The following KLRG2 variants were observed in gnomAD, a reference collection of about 807,000 sequenced individuals.
The protein encoded by KLRG2 is killer cell lectin-like receptor subfamily G member 2.
KLRG2 carries 39 observed loss-of-function variants against 35.4 expected under a neutral mutation model. That is an observed-to-expected ratio of 1.10 (90% CI 0.85 to 1.44). KLRG2 has a LOEUF of 1.44. KLRG2 is among the 40% of genes most tolerant of loss of function. The pLI, the probability that KLRG2 is intolerant of heterozygous loss-of-function variation, is 0.00. For synonymous variants in KLRG2, 283 were observed against 265.8 expected, an observed-to-expected ratio of 1.06 and a Z score of -0.63; for missense variants, 632 against 570.9, an observed-to-expected ratio of 1.11 and a Z score of -1.09.
At chr7:139,469,282 C>T (rs112912906) in intron 3 of KLRG2, among the ~76,000 whole-genome samples, 15,321 of 152,192 alleles carry the variant, frequency 0.1, 803 homozygotes, top group Non-Finnish European at 0.12. Flanking sequence ...GCCTCAGCCT[C>T]CCGAATAGCT....
At chr7:139,447,847 A>G (rs537472432), downstream of KLRG2, among the ~76,000 whole-genome samples, 1 of 152,142 alleles carries the variant, frequency 6.6e-6, no homozygotes, top group Non-Finnish European at 1.5e-5. Flanking sequence ...ACCTGAAACC[A>G]GTTTTATCTA....
chr7:139,449,693 CT>C (rs547906496), downstream of KLRG2, among the ~76,000 whole-genome samples: 3,807 of 101,390 alleles, frequency 0.038, 46 homozygotes, highest in African/African-American at 0.11. Context: ...TATCCTTATT[CT>C]TTTTTTTTTT....
chr7:139,447,874 C>CCTG (rs769787552), downstream of KLRG2, among the ~76,000 whole-genome samples: 3 of 152,202 alleles, frequency 2.0e-5, no homozygotes, highest in African/African-American at 4.8e-5. Context: ...TCTGAAACAA[C>CCTG]CTGCTGCAGC....
intron 3 of KLRG2, among the ~76,000 whole-genome samples, chr7:139,455,343 A>G: frequency 8.7e-6 from 1 of 115,070 alleles, no homozygotes; most frequent in East Asian, 2.5e-4. Context: ...TTTTTTTGAG[A>G]CAGAGTCTCG....
At chr7:139,444,240 C>A in the KLRG2 span, among the ~76,000 whole-genome samples, 3 of 152,244 alleles carry the variant, frequency 2.0e-5, no homozygotes, top group Non-Finnish European at 4.4e-5. Context: ...TATCAACACC[C>A]TTACAGACAC....
intron 3 of KLRG2, among the ~76,000 whole-genome samples, chr7:139,473,810 C>G (rs1025311502): frequency 4.0e-5 from 6 of 151,836 alleles, no homozygotes; most frequent in African/African-American, 1.5e-4. Flanking sequence ...AAGAACAGGA[C>G]ACTGTAAAAA....
At chr7:139,461,587 C>T (rs907750415) in intron 3 of KLRG2, among the ~76,000 whole-genome samples, 4 of 152,150 alleles carry the variant, frequency 2.6e-5, no homozygotes, top group African/African-American at 9.7e-5. Context: ...CCTGCCTTAA[C>T]TGATGACATT....
downstream of KLRG2, among the ~76,000 whole-genome samples, chr7:139,451,221 C>T (rs962225728): frequency 3.3e-5 from 5 of 152,256 alleles, no homozygotes; most frequent in South Asian, 6.2e-4. Context: ...TAAAGCAGGC[C>T]GTGCACCGTG....
At chr7:139,458,347 C>T (rs1020460874) in intron 3 of KLRG2, among the ~76,000 whole-genome samples, 5 of 151,478 alleles carry the variant, frequency 3.3e-5, no homozygotes, top group Non-Finnish European at 7.4e-5. Context: ...CACTGCACTC[C>T]AGCCTGGGTG....
intron 1 of KLRG2, 105 bp downstream of exon 1, chr7:139,482,779 CCT>C (rs1191771472): frequency 9.4e-7 from 1 of 1,062,332 alleles, no homozygotes; most frequent in Non-Finnish European, 1.2e-6. Flanking sequence ...CAACTGGGTC[CCT>C]TAGTCGGTCA....
intron 1 of KLRG2, among the ~76,000 whole-genome samples, chr7:139,480,701 TC>T (rs1418147997): frequency 6.7e-6 from 1 of 150,346 alleles, no homozygotes; most frequent in Non-Finnish European, 1.5e-5. Context: ...CACCTCGGCC[TC>T]CCAAAGTGCT....
chr7:139,482,897 A>C lies in KLRG2; in HGVS notation c.746T>G (p.Val249Gly). The C allele has an allele frequency of 6.7e-7, 1 of 1,481,820 alleles. No homozygotes were observed. Among genetic ancestry groups the C allele is most frequent in the Non-Finnish European group, 8.9e-7 (1 of 1,127,640 alleles). The allele number at this position is 1,481,820 out of a possible 1,614,324, so 91.8% of individuals were successfully genotyped here. A position where few individuals can be genotyped will look rare whatever the true frequency, so the allele number is the denominator to read the frequency against. The change falls in exon 1 of 5, where the codon GTA becomes GGA. Residue 249 changes from valine (V) to glycine (G), a missense_variant. Val to Gly is a moderately radical substitution (Grantham distance 109). Transcript: ENST00000340940. ...LDGDEKLPRAVTLTGLPMYVK... is the reference protein window; with the variant it reads ...LDGDEKLPRAGTLTGLPMYVK... ...AGGTGAGCACTCACCCGTAAGCGTT[A>C]CGGCCCGGGGCAGCTTCTCGTCGCC...
At chr7:139,473,673 G>A (rs1032703879) in intron 3 of KLRG2, among the ~76,000 whole-genome samples, 1 of 152,198 alleles carries the variant, frequency 6.6e-6, no homozygotes, top group Non-Finnish European at 1.5e-5. Context: ...TCCACAATGA[G>A]ATAAGAAAAG....
intron 3 of KLRG2, among the ~76,000 whole-genome samples, chr7:139,457,152 G>A (rs939734907): frequency 6.6e-6 from 1 of 152,166 alleles, no homozygotes; most frequent in African/African-American, 2.4e-5. Context: ...GTGGTGAGTG[G>A]ACGGAACAGA....
At chr7:139,438,836 C>T in the KLRG2 span, among the ~76,000 whole-genome samples, 28 of 152,006 alleles carry the variant, frequency 1.8e-4, 1 homozygote, top group South Asian at 6.2e-4. Context: ...CCACCACACC[C>T]GGCTAATTTT....
At chr7:139,480,914 TCA>T (rs1796948742) in intron 1 of KLRG2, among the ~76,000 whole-genome samples, 1 of 152,044 alleles carries the variant, frequency 6.6e-6, no homozygotes, top group African/African-American at 2.4e-5. Context: ...TGGCTAATTT[TCA>T]TATCTTTAGT....
intron 3 of KLRG2, among the ~76,000 whole-genome samples, chr7:139,471,856 C>T (rs967993103): frequency 4.6e-5 from 7 of 152,156 alleles, no homozygotes; most frequent in East Asian, 1.9e-4. Flanking sequence ...CGAGGTGGCA[C>T]GAACAGAGGT....
intron 3 of KLRG2, among the ~76,000 whole-genome samples, chr7:139,466,212 T>G (rs1251332257): frequency 6.6e-6 from 1 of 152,314 alleles, no homozygotes; most frequent in South Asian, 2.1e-4. Context: ...TTTACTCACA[T>G]GCCCCGGGTC....
intron 3 of KLRG2, among the ~76,000 whole-genome samples, chr7:139,475,730 C>A (rs571656500): frequency 6.6e-6 from 1 of 152,028 alleles, no homozygotes; most frequent in Non-Finnish European, 1.5e-5. Context: ...GTGAGCTGCT[C>A]TAGCAAATTA....
Sources: allele counts gnomAD v4.1 joint callset (sites outside exome capture counted in the v4.1 genomes callset), GRCh38; gene constraint gnomAD v4.1.1; transcripts MANE v1.5; gene names NCBI Gene and HGNC (gene_info 2026-07-23, HGNC 2026-07-21).